Variants in PPP2R5E observed in about 807,000 individuals in gnomAD.
The protein encoded by PPP2R5E is serine/threonine-protein phosphatase 2A 56 kDa regulatory subunit epsilon isoform.
A neutral mutation model predicts 65.3 loss-of-function variants in PPP2R5E; 4 were observed. The ratio of observed to expected loss-of-function variants is 0.06; its 90% CI spans 0.03 to 0.14. The LOEUF (loss-of-function observed/expected upper bound fraction) is 0.14. PPP2R5E is among the 10% of genes least tolerant of loss of function. PPP2R5E has a pLI of 1.00. For synonymous variants in PPP2R5E, 183 were observed against 187.4 expected, an observed-to-expected ratio of 0.98 and a Z score of 0.19; for missense variants, 274 against 556.1, an observed-to-expected ratio of 0.49 and a Z score of 5.10.
At chr14:63,483,161 T>A (rs72714283) in intron 2 of PPP2R5E, among the ~76,000 whole-genome samples, 49,669 of 151,252 alleles carry the variant, frequency 0.33, 10,888 homozygotes, top group African/African-American at 0.63. Context: ...ATAAATAAAA[T>A]TTTTTTTAAA....
At chr14:63,447,727 C>T (rs1199906743) in intron 3 of PPP2R5E, among the ~76,000 whole-genome samples, 1 of 152,198 alleles carries the variant, frequency 6.6e-6, no homozygotes, top group Non-Finnish European at 1.5e-5. Flanking sequence ...TCTGTTTCAG[C>T]TTTTGACATG....
At chr14:63,498,035 C>CA (rs1311926624) in intron 2 of PPP2R5E, among the ~76,000 whole-genome samples, 1 of 152,204 alleles carries the variant, frequency 6.6e-6, no homozygotes, top group African/African-American at 2.4e-5. Flanking sequence ...TTAGTTCCTA[C>CA]AGCTTATGTC....
intron 2 of PPP2R5E, among the ~76,000 whole-genome samples, chr14:63,486,188 C>T (rs1890985642): frequency 6.6e-6 from 1 of 151,746 alleles, no homozygotes; most frequent in African/African-American, 2.4e-5. Flanking sequence ...AAAATGTACC[C>T]TAATCCCATT....
chr14:63,534,658 TCAGCCACACTGGACACAGTGGAACAATCA>T (rs1274099262), intron 2 of PPP2R5E, among the ~76,000 whole-genome samples: 1 of 152,222 alleles, frequency 6.6e-6, no homozygotes, highest in Non-Finnish European at 1.5e-5. Flanking sequence ...TCTCACTCTG[TCAGCCACACTGGACACAGTGGAACAATCA>T]CAGCTCACTG....
intron 13 of PPP2R5E, among the ~76,000 whole-genome samples, chr14:63,379,827 T>TC (rs1555354234): frequency 0.076 from 6,118 of 80,244 alleles, 1,052 homozygotes; most frequent in African/African-American, 0.35. Context: ...ATTCTCTCTC[T>TC]TTTTTTTTTT....
Position 63,391,253 on chromosome 14 carries a change from C to T in PPP2R5E, c.954+564G>A, listed in dbSNP as rs886378316. The stretch of plus-strand genomic sequence containing the variant: ...AGACAGGGTTTAGGAGTCAAGGAGG[C>T]GAGTTCTGGCCTAATCATCTGTACT... On this transcript the variant is annotated intron_variant, in intron 10 of 13. Transcript: ENST00000337537. Among the ~76,000 whole-genome samples, 19 of 152,072 alleles carry T rather than the reference C, an allele frequency of 1.2e-4. No homozygotes were observed. The East Asian group carries it at 1.3e-3, about 11-fold the overall frequency.
Position 63,468,950 on chromosome 14 carries a change from C to A in PPP2R5E, c.158-15065G>T, listed in dbSNP as rs145997109. On this transcript the variant is annotated intron_variant, in intron 2 of 13. Coordinates refer to ENST00000337537, the MANE Select transcript of PPP2R5E (RefSeq NM_006246.5). ...GTTATTTAGAGATCTAAGGACTTAA[C>A]TAAAATTTTGCAAACTTTTAATTGC... Among the ~76,000 whole-genome samples, 1,453 of 152,264 alleles carry A rather than the reference C, an allele frequency of 9.5e-3. 29 individuals carry two copies. The highest frequency in any genetic ancestry group is 0.034 in the African/African-American group (1,398 of 41,544).
chr14:63,455,475 G>C (rs950587373), intron 2 of PPP2R5E, among the ~76,000 whole-genome samples: 2 of 152,120 alleles, frequency 1.3e-5, no homozygotes, highest in African/African-American at 4.8e-5. Flanking sequence ...TAACCAGTGA[G>C]TTTCCCTTCC....
rs757230954 is a variant in PPP2R5E, at chr14:63,491,991, A to C, written c.158-38106T>G. Reference sequence around the variant, plus strand: ...GCACTAAAGTAAGACAATAAAGGAAACAAAGGGGACAAAGAAACACATCAA... The same window carrying C: ...GCACTAAAGTAAGACAATAAAGGAACCAAAGGGGACAAAGAAACACATCAA... On this transcript the variant is annotated intron_variant, in intron 2 of 13. Coordinates refer to ENST00000337537, the MANE Select transcript of PPP2R5E (RefSeq NM_006246.5). 3.4e-4 allele frequency among the ~76,000 whole-genome samples: 52 copies of C among 152,092 alleles called. 1 individual carries two copies. Among genetic ancestry groups the C allele is most frequent in the Admixed American group, 1.2e-3 (18 of 15,280 alleles).
At chr14:63,473,364 G>T (rs1012145) in intron 2 of PPP2R5E, among the ~76,000 whole-genome samples, 50,137 of 151,964 alleles carry the variant, frequency 0.33, 11,064 homozygotes, top group African/African-American at 0.63. Flanking sequence ...ACTGAGTAAG[G>T]GGAAAACGAA....
At position 63,407,912 on chromosome 14, in the gene PPP2R5E, C is replaced by T. The variant is rs143275411; in HGVS notation, c.549+7228G>A. On this transcript the variant is annotated intron_variant, in intron 5 of 13. Coordinates refer to ENST00000337537, the MANE Select transcript of PPP2R5E (RefSeq NM_006246.5). ...TGACACTCGTTAGATGCCAGCACCT[C>T]GATCTTGAACTTCCCAGCCTCCAGA... Among the ~76,000 whole-genome samples, 479 of 152,310 alleles carry T rather than the reference C, an allele frequency of 3.1e-3. 3 individuals are homozygous for T. Among genetic ancestry groups the T allele is most frequent in the African/African-American group, 0.011 (462 of 41,562 alleles).
At chr14:63,472,974 T>C (rs1890205311) in intron 2 of PPP2R5E, among the ~76,000 whole-genome samples, 1 of 152,088 alleles carries the variant, frequency 6.6e-6, no homozygotes. Context: ...GAACCAAGTA[T>C]GAAGAGTTAT....
At chr14:63,516,144 C>T (rs1044538018) in intron 2 of PPP2R5E, among the ~76,000 whole-genome samples, 6 of 152,114 alleles carry the variant, frequency 3.9e-5, no homozygotes, top group African/African-American at 1.2e-4. Flanking sequence ...CCACCACACC[C>T]GGCATAGCCA....
In PPP2R5E at chr14:63,375,950, T is replaced by A; in HGVS notation, c.*59A>T. On this transcript the variant is annotated 3_prime_UTR_variant, in exon 14 of 14. Transcript: ENST00000337537. Reference sequence around the variant, plus strand: ...CACAATACAGAAAACTGTTGCTCCATCTTCTACTACATAAACGTGTGACTC... The same window carrying A: ...CACAATACAGAAAACTGTTGCTCCAACTTCTACTACATAAACGTGTGACTC... 4.9e-6 allele frequency: 6 copies of A among 1,230,096 alleles called. No homozygotes were observed. In the South Asian group the frequency reaches 5.1e-5, roughly 11 times the overall value. The allele number at this position is 1,230,096 out of a possible 1,614,324, so 76.2% of individuals were successfully genotyped here. A position where few individuals can be genotyped will look rare whatever the true frequency, so the allele number is the denominator to read the frequency against.
intron 2 of PPP2R5E, among the ~76,000 whole-genome samples, chr14:63,497,296 C>A (rs932455859): frequency 2.0e-5 from 3 of 152,050 alleles, no homozygotes; most frequent in Admixed American, 6.6e-5. Context: ...ATTAAGAACC[C>A]TGGATCTGAA....
At chr14:63,404,542 C>T (rs981735958) in intron 5 of PPP2R5E, among the ~76,000 whole-genome samples, 1 of 152,150 alleles carries the variant, frequency 6.6e-6, no homozygotes, top group African/African-American at 2.4e-5. Flanking sequence ...AAGGGATGCA[C>T]TGTATAAAAT....
At position 63,501,359 on chromosome 14, in the gene PPP2R5E, A is replaced by T. The variant is rs560232376; in HGVS notation, c.157+38170T>A. On this transcript the variant is annotated intron_variant, in intron 2 of 13. Coordinates refer to ENST00000337537, the MANE Select transcript of PPP2R5E (RefSeq NM_006246.5). Reference sequence around the variant, plus strand: ...GGCGGAGCTTGCAGTGAGCCGATACAGTGCCACTGCACTCCAGCCTGGGCG... The same window carrying T: ...GGCGGAGCTTGCAGTGAGCCGATACTGTGCCACTGCACTCCAGCCTGGGCG... Among the ~76,000 whole-genome samples, 807 of 151,376 alleles carry T rather than the reference A, an allele frequency of 5.3e-3. 1 individual carries two copies. Among genetic ancestry groups the T allele is most frequent in the Non-Finnish European group, 9.0e-3 (612 of 67,774 alleles).
chr14:63,431,544 C>T (rs2139924426), intron 3 of PPP2R5E, among the ~76,000 whole-genome samples: 1 of 151,160 alleles, frequency 6.6e-6, no homozygotes, highest in South Asian at 2.1e-4. Context: ...ATCTCAGTTG[C>T]ATGATAAGAA....
intron 2 of PPP2R5E, among the ~76,000 whole-genome samples, chr14:63,528,583 C>A (rs1477762360): frequency 6.6e-6 from 1 of 152,118 alleles, no homozygotes; most frequent in Non-Finnish European, 1.5e-5. Flanking sequence ...TTTAATTGAA[C>A]ACTCAGCAAT....
Sources: allele counts gnomAD v4.1 joint callset (sites outside exome capture counted in the v4.1 genomes callset), GRCh38; gene constraint gnomAD v4.1.1; transcripts MANE v1.5; gene names NCBI Gene and HGNC (gene_info 2026-07-23, HGNC 2026-07-21).